Variants in MAGI2 observed in about 807,000 individuals in gnomAD.
MAGI2 encodes membrane-associated guanylate kinase, WW and PDZ domain-containing protein 2.
A neutral mutation model predicts 133.3 loss-of-function variants in MAGI2; 35 were observed. The ratio of observed to expected loss-of-function variants is 0.26; its 90% confidence interval spans 0.20 to 0.35. The LOEUF (loss-of-function observed/expected upper bound fraction) is 0.35. Ranked by LOEUF, MAGI2 falls within the 10% of genes least tolerant of loss-of-function variation. The pLI, the probability that MAGI2 is intolerant of heterozygous loss-of-function variation, is 1.00. For missense variants in MAGI2, 1,636 were observed against 1,863.4 expected (o/e 0.88, Z 2.25); for synonymous variants, 729 against 710.6 (o/e 1.03, Z -0.41).
intron 21 of MAGI2, 77 bp from the exon 22 acceptor site, chr7:78,020,053 G>A (rs1181217561): frequency 1.5e-6 from 2 of 1,316,740 alleles, no homozygotes; most frequent in African/African-American, 3.0e-5. Context: ...GGGGACAGGG[G>A]CAGGCAGCTG....
At chr7:79,440,207 G>C (rs1274480173) in intron 1 of MAGI2, among the ~76,000 whole-genome samples, 2 of 151,088 alleles carry the variant, frequency 1.3e-5, no homozygotes, top group African/African-American at 4.9e-5. Flanking sequence ...TTATTGGAGA[G>C]TCTTATAAGT....
At chr7:78,573,365 A>AAAAAATATATATATATAT (rs1320390413) in intron 3 of MAGI2, among the ~76,000 whole-genome samples, 2 of 29,048 alleles carry the variant, frequency 6.9e-5, no homozygotes, top group Non-Finnish European at 1.0e-4. Flanking sequence ...GAATCCTGGA[A>AAAAAATATATATATATAT]ATATATATAT....
intron 10 of MAGI2, among the ~76,000 whole-genome samples, chr7:78,205,203 C>A (rs1563258457): frequency 6.6e-6 from 1 of 152,192 alleles, no homozygotes; most frequent in East Asian, 1.9e-4. Context: ...GTGATCTTAG[C>A]CCACTGCAAC....
intron 1 of MAGI2, among the ~76,000 whole-genome samples, chr7:79,029,447 C>T (rs185564445): frequency 1.2e-3 from 176 of 152,184 alleles, no homozygotes; most frequent in African/African-American, 4.0e-3. Context: ...CCAAACCCAA[C>T]CTGTAATCTT....
chr7:78,094,188 C>CTT (rs1817498628), intron 20 of MAGI2, among the ~76,000 whole-genome samples: 2 of 152,300 alleles, frequency 1.3e-5, no homozygotes, highest in South Asian at 4.1e-4. Context: ...ATACCTTTAA[C>CTT]ACTGTATGGG....
At position 79,011,884 on chromosome 7, in the gene MAGI2, TCTTCCTTC is replaced by T. The variant is rs779042721; in HGVS notation, c.302-4686_302-4679del. Reference sequence around the variant, plus strand: ...GTAGAAGATCCTTCCTTCCTTCCTTTCTTCCTTCCTTCCTTCCTTCCTTCCTTCCTTCC... The same window carrying T: ...GTAGAAGATCCTTCCTTCCTTCCTTTCTTCCTTCCTTCCTTCCTTCCTTCC... On this transcript the variant is annotated intron_variant, in intron 1 of 21. Transcript: ENST00000354212. Among the ~76,000 whole-genome samples, 59 of 103,394 alleles carry T rather than the reference TCTTCCTTC, an allele frequency of 5.7e-4. 1 individual carries two copies. The South Asian group carries it at 8.5e-3, about 15-fold the overall frequency. The allele number at this position is 103,394 out of a possible 152,430, so 67.8% of individuals were successfully genotyped here. A position where few individuals can be genotyped will look rare whatever the true frequency, so the allele number is the denominator to read the frequency against.
rs116000751 is a variant in MAGI2 at position 79,362,450 on chromosome 7, A to G, written c.301+90570T>C. ...TTTACTAAACATTTAAAGAATTAAC[A>G]CCAATTTTAACGAATCCCTTTGAGA... On this transcript the variant is annotated intron_variant, in intron 1 of 21. Transcript: ENST00000354212. Among the ~76,000 whole-genome samples, 951 of 152,222 alleles carry G rather than the reference A, an allele frequency of 6.2e-3. 5 individuals carry two copies. The highest frequency in any genetic ancestry group is 0.022 in the African/African-American group (894 of 41,560).
chr7:78,207,537 A>C (rs1240298430), intron 10 of MAGI2, among the ~76,000 whole-genome samples: 2 of 152,228 alleles, frequency 1.3e-5, no homozygotes, highest in Non-Finnish European at 2.9e-5. Flanking sequence ...CAGCAGAGTC[A>C]TGAGCTAATT....
chr7:78,285,603 T>G (rs1273767186), intron 9 of MAGI2: 1 of 152,178 alleles, frequency 6.6e-6, no homozygotes, highest in Non-Finnish European at 1.5e-5. Flanking sequence ...GTTAGTAACT[T>G]GCCCATGGTC....
chr7:78,406,302 A>T (rs982580515), intron 6 of MAGI2, among the ~76,000 whole-genome samples: 4 of 152,042 alleles, frequency 2.6e-5, no homozygotes, highest in Non-Finnish European at 5.9e-5. Context: ...AATAAATAAC[A>T]GTATTTAAAT....
Position 78,103,020 on chromosome 7 carries a change from A to C in MAGI2, c.3567+22674T>G, listed in dbSNP as rs547576765. Among the ~76,000 whole-genome samples the C allele has an allele frequency of 3.3e-5, 5 of 152,258 alleles. No homozygotes were observed. In the South Asian group the frequency reaches 1.0e-3, roughly 32 times the overall value. On this transcript the variant is annotated intron_variant, in intron 20 of 21. Coordinates refer to ENST00000354212, the MANE Select transcript of MAGI2 (RefSeq NM_012301.4). ...GCCATGTCTTCTGTCCTGTTCTATG[A>C]GACTCCTTCTTCTATCTGGAATTCC...
intron 1 of MAGI2, among the ~76,000 whole-genome samples, chr7:79,248,389 G>A (rs1832970963): frequency 6.6e-6 from 1 of 152,156 alleles, no homozygotes; most frequent in Admixed American, 6.6e-5. Flanking sequence ...TAGAGCTAGA[G>A]ACAGAGATAG....
intron 21 of MAGI2, among the ~76,000 whole-genome samples, chr7:78,027,218 T>A (rs1353200935): frequency 2.0e-5 from 3 of 152,148 alleles, no homozygotes; most frequent in African/African-American, 7.2e-5. Context: ...CCATCTAAAG[T>A]GATTGTCAGA....
chr7:78,489,692 C>A, intron 6 of MAGI2, 69 bp downstream of exon 6: 2 of 1,156,960 alleles, frequency 1.7e-6, no homozygotes, highest in East Asian at 2.3e-5. Flanking sequence ...TCAGGTGAGA[C>A]TCTCATTTAA....
intron 2 of MAGI2, among the ~76,000 whole-genome samples, chr7:78,640,131 G>T (rs1221940475): frequency 6.6e-6 from 1 of 152,110 alleles, no homozygotes; most frequent in Non-Finnish European, 1.5e-5. Flanking sequence ...GAACACTGTG[G>T]TTTTAATCTC....
chr7:78,455,814 C>T lies in MAGI2; in HGVS notation c.1045+33947G>A, dbSNP rs77720789. On this transcript the variant is annotated intron_variant, in intron 6 of 21. Transcript: ENST00000354212. Reference sequence around the variant, plus strand: ...AGTAATCTGTTTAATTATTTTTTTTCGTCTTTTCTTTCAAAGGTTGACACT... The same window carrying T: ...AGTAATCTGTTTAATTATTTTTTTTTGTCTTTTCTTTCAAAGGTTGACACT... Among the ~76,000 whole-genome samples, 949 of 151,884 alleles carry T rather than the reference C, an allele frequency of 6.2e-3. 8 individuals carry two copies. The highest frequency in any genetic ancestry group is 0.019 in the African/African-American group (773 of 41,450).
rs757373233 is a variant in MAGI2 at position 79,453,340 on chromosome 7, T to G, written c.-20A>C. On this transcript the variant is annotated 5_prime_UTR_variant, in exon 1 of 22. Coordinates refer to ENST00000354212, the MANE Select transcript of MAGI2 (RefSeq NM_012301.4). ...GGACATGGCAGTGGGGCGAGTCGCC[T>G]CAGTTCCTGGGCTCCTTGGGGTTAG... is the stretch of plus-strand genomic sequence containing the variant. 6.3e-7 allele frequency: 1 copy of G among 1,588,996 alleles called. No homozygotes were observed. The highest frequency in any genetic ancestry group is 8.6e-7 in the Non-Finnish European group (1 of 1,166,656).
intron 2 of MAGI2, among the ~76,000 whole-genome samples, chr7:78,717,145 G>T (rs751968347): frequency 6.6e-6 from 1 of 152,088 alleles, no homozygotes; most frequent in African/African-American, 2.4e-5. Flanking sequence ...CGGGAAAGGA[G>T]GCTCCTGCGC....
chr7:78,384,576 A>G (rs1407128185), intron 6 of MAGI2, among the ~76,000 whole-genome samples: 1 of 152,208 alleles, frequency 6.6e-6, no homozygotes, highest in Non-Finnish European at 1.5e-5. Flanking sequence ...TATCAATTGA[A>G]TGTTTTGGGG....
Sources: gnomAD v4.1 joint callset for allele counts (sites outside exome capture counted in the v4.1 genomes callset) on GRCh38, gnomAD v4.1.1 for gene constraint, MANE v1.5 for transcripts, NCBI Gene and HGNC (gene_info 2026-07-23, HGNC 2026-07-21) for gene names.